AP2A1: variants seen among roughly 807,000 people sequenced by gnomAD.
The protein encoded by AP2A1 is AP-2 complex subunit alpha-1.
In AP2A1, 21 loss-of-function variants were observed where a neutral mutation model predicts 107.3. The ratio of observed to expected loss-of-function variants is 0.20; its 90% CI spans 0.14 to 0.28. The LOEUF (loss-of-function observed/expected upper bound fraction) is 0.28. AP2A1 is among the 10% of genes least tolerant of loss of function. AP2A1 has a pLI of 1.00. For synonymous variants in AP2A1, 602 were observed against 564.8 expected, an observed-to-expected ratio of 1.07 and a Z score of -0.93; for missense variants, 873 against 1,307.7, an observed-to-expected ratio of 0.67 and a Z score of 5.13.
rs62129181 is a variant in AP2A1, at chr19:49,785,133, C to T, written c.473+2409C>T. ...GAGAGATCGTGACATAGGCAGTGTT[C>T]GAAGAGAGATAATGGTTGAAAATAT... On this transcript the variant is annotated intron_variant, in intron 4 of 22. Coordinates refer to ENST00000354293, the MANE Select transcript of AP2A1 (RefSeq NM_130787.3). The surrounding 1 kb of genome is among the most constrained non-coding windows in gnomAD (Gnocchi z 4.1). Among the ~76,000 whole-genome samples the T allele has an allele frequency of 5.7e-3, 867 of 152,118 alleles. 4 individuals carry two copies. The highest frequency in any genetic ancestry group is 0.01 in the Non-Finnish European group (692 of 67,992).
chr19:49,773,449 T>G (rs2084585866), intron 1 of AP2A1, among the ~76,000 whole-genome samples: 1 of 152,166 alleles, frequency 6.6e-6, no homozygotes, highest in Admixed American at 6.5e-5. Context: ...CTTTGTCCTC[T>G]GTAGGTTCTA....
intron 4 of AP2A1, among the ~76,000 whole-genome samples, chr19:49,791,605 T>A (rs1164155997): frequency 6.6e-6 from 1 of 152,230 alleles, no homozygotes; most frequent in Non-Finnish European, 1.5e-5. Context: ...TGGACCACTT[T>A]ATTCACCACT....
rs368089270 is a variant in AP2A1 at position 49,793,062 on chromosome 19, C to T, written c.675C>T (p.Cys225=). Residue 225 remains cysteine (C), a synonymous_variant, in exon 6 of 23, where the codon TGC becomes TGT. Transcript: ENST00000354293. ...AGAACCCAGATGACTTCAAGACGTG[C>T]GTCTCTCTGGCTGTGTCGCGCCTGA... ...CKKNPDDFKT[C]VSLAVSRLSR... 2.7e-5 allele frequency: 44 copies of T among 1,609,686 alleles called. No homozygotes were observed. Among genetic ancestry groups the T allele is most frequent in the Admixed American group, 5.0e-5 (3 of 59,452 alleles).
chr19:49,799,259 G>T (rs2123744072), intron 8 of AP2A1, 68 bp from the exon 9 acceptor site: 3 of 1,537,676 alleles, frequency 2.0e-6, no homozygotes, highest in Non-Finnish European at 2.6e-6. Flanking sequence ...GGTCAGCTGG[G>T]GCCCGAGTCC....
In AP2A1 at chr19:49,803,396, C is replaced by T. The variant is rs780517350; in HGVS notation, c.2344+20C>T. ...AGACTCATATCCTCTCAGGCCCGGC[C>T]CAGCCTCCTGCCTCTCCACGTCGGC... On this transcript the variant is annotated intron_variant, in intron 18 of 22. Transcript: ENST00000354293. 4 of 1,605,886 alleles carry T rather than the reference C, an allele frequency of 2.5e-6. No individual in the cohort carries two copies.
Position 49,806,920 on chromosome 19 carries a change from T to TCTG in AP2A1, c.*169_*171dup. 6.5e-7 allele frequency: 1 copy of TCTG among 1,535,666 alleles called. No individual in the cohort carries two copies. The highest frequency in any genetic ancestry group is 8.7e-7 in the Non-Finnish European group (1 of 1,146,962). On this transcript the variant is annotated 3_prime_UTR_variant, in exon 23 of 23. Transcript: ENST00000354293. Reference sequence around the variant, plus strand: ...CCTTTTGTATTTTTATTTTTGTTCATCTGCTGCTGTTTACATTCTGGGGGG... The same window carrying TCTG: ...CCTTTTGTATTTTTATTTTTGTTCATCTGCTGCTGCTGTTTACATTCTGGGGGG...
chr19:49,803,433 TG>T, intron 18 of AP2A1, 57 bp downstream of exon 18: 2 of 1,471,554 alleles, frequency 1.4e-6, no homozygotes, highest in Non-Finnish European at 1.9e-6. Flanking sequence ...TTCCTCACCG[TG>T]GGGAAGCCGG....
chr19:49,806,335 T>C, intron 22 of AP2A1, 82 bp downstream of exon 22: 1 of 1,461,322 alleles, frequency 6.8e-7, no homozygotes, highest in Non-Finnish European at 9.0e-7. Context: ...CTCACTGTTC[T>C]TTAATTCACG....
At chr19:49,805,609 G>A (rs2123768278) in intron 19 of AP2A1, 33 bp downstream of exon 19, 1 of 1,556,852 alleles carries the variant, frequency 6.4e-7, no homozygotes, top group South Asian at 1.2e-5. Flanking sequence ...GGTGGGCGGA[G>A]CCTCCGGGGT....
At chr19:49,769,323 GC>G (rs1457434409) in intron 1 of AP2A1, among the ~76,000 whole-genome samples, 1 of 152,164 alleles carries the variant, frequency 6.6e-6, no homozygotes, top group African/African-American at 2.4e-5. Flanking sequence ...CAGAACATAT[GC>G]ACAGGGAACA....
At chr19:49,804,414 G>C (rs966431354) in intron 18 of AP2A1, 9 of 151,886 alleles carry the variant, frequency 5.9e-5, no homozygotes, top group African/African-American at 2.2e-4. Flanking sequence ...GGTGGTGGGC[G>C]CCTGTAGTCC....
intron 16 of AP2A1, 30 bp from the exon 17 acceptor site, chr19:49,803,068 ACAGGCACCC>A (rs1568588772): frequency 1.2e-6 from 2 of 1,613,602 alleles, no homozygotes; most frequent in Non-Finnish European, 1.7e-6. Context: ...CCAGGTGCAG[ACAGGCACCC>A]CCGTCATCTT....
rs773422055 is a variant in AP2A1 at position 49,803,416 on chromosome 19, G to C, written c.2344+40G>C. The C allele has an allele frequency of 7.6e-6, 12 of 1,574,334 alleles. No individual in the cohort carries two copies. The African/African-American group carries it at 1.6e-4, about 21-fold the overall frequency. On this transcript the variant is annotated intron_variant, in intron 18 of 22. Transcript: ENST00000354293. ...CCGGCCCAGCCTCCTGCCTCTCCAC[G>C]TCGGCCTTCCTCACCGTGGGGAAGC...
chr19:49,802,238 C>A, intron 15 of AP2A1, 97 bp downstream of exon 15: 1 of 1,001,856 alleles, frequency 1.0e-6, no homozygotes, highest in Non-Finnish European at 1.5e-6. Context: ...CTCCCCCGCC[C>A]CCGACTCGCT....
chr19:49,798,431 G>C (rs1038685796), intron 7 of AP2A1, among the ~76,000 whole-genome samples: 1 of 152,178 alleles, frequency 6.6e-6, no homozygotes, highest in Non-Finnish European at 1.5e-5. Context: ...GCCTGGGTTT[G>C]GGGGCACCTC....
rs1037077630 is a variant in AP2A1 at position 49,804,712 on chromosome 19, C to T, written c.2345-741C>T. ...CCATCTTTGTGTACTTACCATGTGCCGGGCACACAGACAAGTACTTGTGAT... is the reference window on the plus strand; with the variant it reads ...CCATCTTTGTGTACTTACCATGTGCTGGGCACACAGACAAGTACTTGTGAT... On this transcript the variant is annotated intron_variant, in intron 18 of 22. Transcript: ENST00000354293. 6.6e-5 allele frequency among the ~76,000 whole-genome samples: 10 copies of T among 152,224 alleles called. No homozygotes were observed. The South Asian group carries it at 1.2e-3, about 19-fold the overall frequency.
At chr19:49,771,334 C>G (rs1439536437) in intron 1 of AP2A1, among the ~76,000 whole-genome samples, 2 of 147,974 alleles carry the variant, frequency 1.4e-5, no homozygotes, top group African/African-American at 5.0e-5. Flanking sequence ...AAAGAAAGGT[C>G]CTGGAATTCG....
rs886386857 is a variant in AP2A1 at position 49,792,893 on chromosome 19, G to A, written c.604-98G>A. 32 of 1,065,828 alleles carry A rather than the reference G, an allele frequency of 3.0e-5. No homozygotes were observed. The Admixed American group carries it at 5.0e-4, about 17-fold the overall frequency. The allele number at this position is 1,065,828 out of a possible 1,614,324, so 66.0% of individuals were successfully genotyped here. ...GCACACCCCTAAACCCCATCTTCCC[G>A]ACTGCACACACATCCCGACCCTGTC... On this transcript the variant is annotated intron_variant, in intron 5 of 22. Coordinates refer to ENST00000354293, the MANE Select transcript of AP2A1 (RefSeq NM_130787.3).
At position 49,806,899 on chromosome 19, in the gene AP2A1, T is replaced by C. The variant is rs1253195975; in HGVS notation, c.*141T>C. On this transcript the variant is annotated 3_prime_UTR_variant, in exon 23 of 23. Transcript: ENST00000354293. ...ATGCCTGGGACTTTCCTCCGGCCTTTTGTATTTTTATTTTTGTTCATCTGC... is the reference window on the plus strand; with the variant it reads ...ATGCCTGGGACTTTCCTCCGGCCTTCTGTATTTTTATTTTTGTTCATCTGC... The C allele has an allele frequency of 5.2e-6, 8 of 1,540,950 alleles. No homozygotes were observed. Among genetic ancestry groups the C allele is most frequent in the Non-Finnish European group, 7.0e-6 (8 of 1,148,372 alleles).
Sources: allele counts gnomAD v4.1 joint callset (sites outside exome capture counted in the v4.1 genomes callset), GRCh38; gene constraint gnomAD v4.1.1; non-coding constraint Gnocchi (gnomAD v3.1); transcripts MANE v1.5; gene names NCBI Gene and HGNC (gene_info 2026-07-23, HGNC 2026-07-21).